DCLK2: variants seen among roughly 807,000 people sequenced by gnomAD.
DCLK2 encodes serine/threonine-protein kinase DCLK2.
Under a neutral mutation model 78.4 loss-of-function variants are expected in DCLK2, and 31 were observed. The ratio of observed to expected loss-of-function variants is 0.40; its 90% CI spans 0.30 to 0.53. The LOEUF (loss-of-function observed/expected upper bound fraction) is 0.53. Ranked by LOEUF, DCLK2 falls within the 20% of genes least tolerant of loss-of-function variation. The pLI is 0.61. For synonymous variants in DCLK2, 407 were observed against 374.9 expected (o/e 1.09, Z -0.99); for missense variants, 872 against 973.7 (o/e 0.90, Z 1.39).
intron 2 of DCLK2, among the ~76,000 whole-genome samples, chr4:150,146,857 C>T (rs1314426109): frequency 6.6e-6 from 1 of 151,910 alleles, no homozygotes; most frequent in Non-Finnish European, 1.5e-5. Flanking sequence ...GTCTTGGGTT[C>T]TAGATCTGGC....
intron 2 of DCLK2, among the ~76,000 whole-genome samples, chr4:150,152,539 C>T (rs1457589009): frequency 6.6e-6 from 1 of 152,216 alleles, no homozygotes; most frequent in African/African-American, 2.4e-5. Flanking sequence ...GCCTCAGCCT[C>T]CCACAGTGCT....
chr4:150,119,202 C>T (rs1732344583), intron 2 of DCLK2, among the ~76,000 whole-genome samples: 1 of 152,076 alleles, frequency 6.6e-6, no homozygotes, highest in South Asian at 2.1e-4. Flanking sequence ...TATCGCATAC[C>T]TGAATGACTG....
At chr4:150,233,336 T>G (rs1742227697) in intron 10 of DCLK2, among the ~76,000 whole-genome samples, 1 of 152,110 alleles carries the variant, frequency 6.6e-6, no homozygotes, top group Admixed American at 6.6e-5. Flanking sequence ...CCCCCAACAT[T>G]GGGAATTACA....
chr4:150,098,698 C>CTT (rs59616581), intron 1 of DCLK2, among the ~76,000 whole-genome samples: 1,669 of 129,066 alleles, frequency 0.013, 21 homozygotes, highest in Middle Eastern at 0.025. Context: ...TTTTCTTTTT[C>CTT]TTTTTTTTTT....
At chr4:150,138,761 G>A (rs1733882176) in intron 2 of DCLK2, among the ~76,000 whole-genome samples, 1 of 152,024 alleles carries the variant, frequency 6.6e-6, no homozygotes, top group Admixed American at 6.6e-5. Context: ...CTGCCTCCTG[G>A]GTTCAAGCAA....
intron 1 of DCLK2, among the ~76,000 whole-genome samples, chr4:150,092,020 A>G (rs1034436917): frequency 1.3e-5 from 2 of 151,998 alleles, no homozygotes; most frequent in Admixed American, 6.6e-5. Flanking sequence ...GTTTTTATGA[A>G]TTTGACTTTT....
intron 2 of DCLK2, among the ~76,000 whole-genome samples, chr4:150,173,301 A>T (rs1736691285): frequency 6.6e-6 from 1 of 152,166 alleles, no homozygotes. Flanking sequence ...TCGACAGGAT[A>T]GTCTCTGACT....
chr4:150,170,798 A>C, intron 2 of DCLK2, among the ~76,000 whole-genome samples: 1 of 152,204 alleles, frequency 6.6e-6, no homozygotes, highest in South Asian at 2.1e-4. Context: ...TTGGAAAAAA[A>C]CCTGTACAAC....
At chr4:150,247,359 A>G (rs1182073041) in intron 12 of DCLK2, among the ~76,000 whole-genome samples, 1 of 152,190 alleles carries the variant, frequency 6.6e-6, no homozygotes, top group Non-Finnish European at 1.5e-5. Context: ...GCATTCATTA[A>G]GCAAATGTTT....
chr4:150,174,724 C>G, intron 2 of DCLK2, among the ~76,000 whole-genome samples: 1 of 151,476 alleles, frequency 6.6e-6, no homozygotes, highest in East Asian at 2.0e-4. Context: ...AGGCTGGGCG[C>G]GGTGGCTCAC....
At position 150,256,115 on chromosome 4, in the gene DCLK2, C is replaced by T. The variant is rs1200615049; in HGVS notation, c.2169C>T (p.Pro723=). The T allele has an allele frequency of 2.5e-6, 4 of 1,612,854 alleles. No individual in the cohort carries two copies. The African/African-American group carries it at 4.0e-5, about 16-fold the overall frequency. Residue 723 remains proline, a synonymous_variant, in exon 16 of 16, where the codon CCC becomes CCT. Coordinates refer to ENST00000296550, the MANE Select transcript of DCLK2 (RefSeq NM_001040260.4). ...PGMEPISPVP[P]SVEEIPVPGE... ...TGGAGCCCATCTCTCCAGTTCCTCC[C>T]TCAGTGGAGGAGATCCCTGTGCCTG... is the stretch of plus-strand genomic sequence containing the variant.
At chr4:150,220,332 G>A (rs1741088259) in intron 5 of DCLK2, among the ~76,000 whole-genome samples, 1 of 152,088 alleles carries the variant, frequency 6.6e-6, no homozygotes, top group Non-Finnish European at 1.5e-5. Context: ...TAAACTCCTA[G>A]GAGTCACATG....
intron 2 of DCLK2, among the ~76,000 whole-genome samples, chr4:150,178,046 A>T (rs1346591373): frequency 6.6e-6 from 1 of 152,154 alleles, no homozygotes; most frequent in Non-Finnish European, 1.5e-5. Context: ...ATTTGCTGTA[A>T]CTCTTCAATC....
At chr4:150,227,934 T>C (rs907153190) in intron 8 of DCLK2, among the ~76,000 whole-genome samples, 1 of 152,192 alleles carries the variant, frequency 6.6e-6, no homozygotes, top group African/African-American at 2.4e-5. Flanking sequence ...TAAAAATTAC[T>C]CTCTTCACAG....
chr4:150,175,191 TTATC>T (rs72333867), intron 2 of DCLK2, among the ~76,000 whole-genome samples: 916 of 67,620 alleles, frequency 0.014, 36 homozygotes, highest in African/African-American at 0.022. Flanking sequence ...TATTTATAAT[TTATC>T]TATATATATT....
intron 2 of DCLK2, among the ~76,000 whole-genome samples, chr4:150,114,048 A>C (rs1411291152): frequency 6.6e-6 from 1 of 152,090 alleles, no homozygotes; most frequent in Admixed American, 6.5e-5. Flanking sequence ...GTATTTGTAT[A>C]GTTTTGAGGG....
chr4:150,214,112 A>G (rs1171430360), intron 5 of DCLK2, among the ~76,000 whole-genome samples: 1 of 152,238 alleles, frequency 6.6e-6, no homozygotes, highest in Non-Finnish European at 1.5e-5. Flanking sequence ...TCTTACAAAG[A>G]CAAGATTGTT....
At chr4:150,087,910 A>C (rs1389254315) in intron 1 of DCLK2, among the ~76,000 whole-genome samples, 1 of 152,160 alleles carries the variant, frequency 6.6e-6, no homozygotes, top group African/African-American at 2.4e-5. Context: ...GGTTTCTATG[A>C]CCTTCCTTGG....
chr4:150,130,498 A>T (rs146203320), intron 2 of DCLK2, among the ~76,000 whole-genome samples: 1 of 152,268 alleles, frequency 6.6e-6, no homozygotes, highest in East Asian at 1.9e-4. Flanking sequence ...AGCAGCAGAA[A>T]AGCAAGTACA....
Sources: allele counts gnomAD v4.1 joint callset (sites outside exome capture counted in the v4.1 genomes callset), GRCh38; gene constraint gnomAD v4.1.1; transcripts MANE v1.5; gene names NCBI Gene and HGNC (gene_info 2026-07-23, HGNC 2026-07-21).